BABAM2: variants seen among roughly 807,000 people sequenced by gnomAD.
The protein encoded by BABAM2 is BRISC and BRCA1 A complex member 2.
In BABAM2, 31 loss-of-function variants were observed where a neutral mutation model predicts 54.7. The observed-to-expected ratio is 0.57, with a 90% CI of 0.43 to 0.77. BABAM2 has a LOEUF of 0.77. BABAM2 is among the 30% of genes least tolerant of loss of function. The pLI is 0.00. For missense variants in BABAM2, 364 were observed against 455.8 expected (o/e 0.80, Z 1.83); for synonymous variants, 167 against 162.9 (o/e 1.03, Z -0.19).
chr2:27,924,858 A>C (rs933759626), intron 2 of BABAM2, among the ~76,000 whole-genome samples: 4 of 152,212 alleles, frequency 2.6e-5, no homozygotes, highest in African/African-American at 9.7e-5. Context: ...CTTGTTTCCT[A>C]TACACCTATT....
chr2:28,208,910 G>T (rs928690399), intron 7 of BABAM2, among the ~76,000 whole-genome samples: 1 of 152,036 alleles, frequency 6.6e-6, no homozygotes, highest in African/African-American at 2.4e-5. Context: ...TTTCTTCTTT[G>T]TTCCTTGGTG....
intron 3 of BABAM2, among the ~76,000 whole-genome samples, chr2:27,948,339 T>C (rs1018283760): frequency 2.6e-5 from 4 of 152,240 alleles, no homozygotes; most frequent in Non-Finnish European, 5.9e-5. Context: ...AGTTTGTCTG[T>C]AGACTCCATA....
rs1312864966 is a variant in BABAM2 at position 28,300,142 on chromosome 2, T to C, written c.1088+1651T>C. Among the ~76,000 whole-genome samples the C allele has an allele frequency of 1.3e-5, 2 of 152,122 alleles. 1 individual carries two copies. The highest frequency in any genetic ancestry group is 2.9e-5 in the Non-Finnish European group (2 of 68,032). On this transcript the variant is annotated intron_variant, in intron 11 of 11. Transcript: ENST00000379624. ...TGAGTAGAGATGGGGTTTTGCTATG[T>C]TGGCCAGGCTGGTCTCGGACTCCTG... is the stretch of plus-strand genomic sequence containing the variant.
chr2:28,332,427 A>G (rs1691041038), intron 11 of BABAM2, among the ~76,000 whole-genome samples: 1 of 152,206 alleles, frequency 6.6e-6, no homozygotes, highest in African/African-American at 2.4e-5. Flanking sequence ...GGGTGGTCAT[A>G]AGATCATTAA....
At chr2:28,267,387 C>T (rs1685070694) in intron 10 of BABAM2, among the ~76,000 whole-genome samples, 1 of 151,964 alleles carries the variant, frequency 6.6e-6, no homozygotes, top group Admixed American at 6.6e-5. Flanking sequence ...GCAGAGCCCA[C>T]CCCCAGGCCC....
At chr2:27,941,995 T>C (rs930807478) in intron 3 of BABAM2, among the ~76,000 whole-genome samples, 6 of 152,236 alleles carry the variant, frequency 3.9e-5, no homozygotes, top group African/African-American at 7.2e-5. Flanking sequence ...AACTTCATTT[T>C]TGATCTATGT....
chr2:28,193,080 A>G (rs1677116789), intron 7 of BABAM2, among the ~76,000 whole-genome samples: 1 of 151,976 alleles, frequency 6.6e-6, no homozygotes, highest in Non-Finnish European at 1.5e-5. Context: ...AGGCTGGGGC[A>G]GGAGGCTTGA....
At chr2:27,933,252 G>A (rs892855990) in intron 3 of BABAM2, among the ~76,000 whole-genome samples, 6 of 151,906 alleles carry the variant, frequency 3.9e-5, no homozygotes, top group South Asian at 2.1e-4. Flanking sequence ...GTTGGATATC[G>A]TCATTATACA....
chr2:28,306,994 C>CGTTTTTTTTTTTTTT (rs1558517386), intron 11 of BABAM2, among the ~76,000 whole-genome samples: 1 of 73,100 alleles, frequency 1.4e-5, no homozygotes. Context: ...CCACACCTGG[C>CGTTTTTTTTTTTTTT]CTTTTTTTTT....
intron 7 of BABAM2, among the ~76,000 whole-genome samples, chr2:28,167,712 AT>A: frequency 6.6e-6 from 1 of 150,808 alleles, no homozygotes; most frequent in Non-Finnish European, 1.5e-5. Flanking sequence ...AAATAAATAA[AT>A]AAATAAATAA....
intron 11 of BABAM2, among the ~76,000 whole-genome samples, chr2:28,336,685 G>GA (rs1316074127): frequency 6.6e-6 from 1 of 152,250 alleles, no homozygotes; most frequent in African/African-American, 2.4e-5. Context: ...GGCCAGCACT[G>GA]AGAAAGAGCT....
At chr2:28,143,516 A>T (rs887564474) in intron 7 of BABAM2, among the ~76,000 whole-genome samples, 1 of 152,206 alleles carries the variant, frequency 6.6e-6, no homozygotes, top group Non-Finnish European at 1.5e-5. Flanking sequence ...TAACACACAC[A>T]CAAGTAACTA....
In BABAM2 at chr2:28,298,271, G is replaced by A. The variant is rs1485401845; in HGVS notation, c.935-67G>A. On this transcript the variant is annotated intron_variant, in intron 10 of 11. Coordinates refer to ENST00000379624, the MANE Select transcript of BABAM2 (RefSeq NM_199191.3). The stretch of plus-strand genomic sequence containing the variant: ...GTTTCGTACCTAACATTCGGATTTA[G>A]TCAAAAAAAAAAATCTTAAGATGTG... The A allele has an allele frequency of 1.1e-5, 17 of 1,525,880 alleles. No individual in the cohort carries two copies. In the African/African-American group the frequency reaches 2.2e-4, roughly 20 times the overall value. 94.5% of individuals were successfully genotyped at this position (1,525,880 alleles called of 1,614,324 possible). A position where few individuals can be genotyped will look rare whatever the true frequency, so the allele number is the denominator to read the frequency against.
intron 11 of BABAM2, 59 bp downstream of exon 11, chr2:28,298,550 G>T: frequency 6.2e-7 from 1 of 1,600,040 alleles, no homozygotes; most frequent in Non-Finnish European, 8.5e-7. Flanking sequence ...CTAGTCCAGG[G>T]GTTGGCAAGC....
chr2:28,086,548 A>G (rs1558322158), intron 6 of BABAM2, among the ~76,000 whole-genome samples: 1 of 152,194 alleles, frequency 6.6e-6, no homozygotes, highest in Non-Finnish European at 1.5e-5. Flanking sequence ...CCTAGCAAAT[A>G]GTAACTTTTG....
chr2:28,327,505 T>C lies in BABAM2; in HGVS notation c.1089-10945T>C. On this transcript the variant is annotated intron_variant, in intron 11 of 11. Transcript: ENST00000379624. ...GGAACCAGAATTCATCCCAATACTTTGATGTCTAGAAATGGATCTCAGTCA... is the reference window on the plus strand; with the variant it reads ...GGAACCAGAATTCATCCCAATACTTCGATGTCTAGAAATGGATCTCAGTCA... The C allele has an allele frequency of 3.4e-6, 5 of 1,482,574 alleles. No homozygotes were observed. The South Asian group carries it at 5.6e-5, about 17-fold the overall frequency. The allele number at this position is 1,482,574 out of a possible 1,614,324, so 91.8% of individuals were successfully genotyped here.
intron 2 of BABAM2, among the ~76,000 whole-genome samples, chr2:27,921,105 T>A (rs1667315297): frequency 6.6e-6 from 1 of 152,168 alleles, no homozygotes; most frequent in African/African-American, 2.4e-5. Context: ...AGGAGTCAAA[T>A]CCAAATTTAC....
intron 7 of BABAM2, among the ~76,000 whole-genome samples, chr2:28,199,201 C>A (rs1402324671): frequency 6.6e-6 from 1 of 152,192 alleles, no homozygotes; most frequent in East Asian, 1.9e-4. Flanking sequence ...TGGTGTAATC[C>A]CAGAAGCAAG....
At chr2:27,958,280 G>C (rs1186218099) in intron 3 of BABAM2, among the ~76,000 whole-genome samples, 1 of 152,072 alleles carries the variant, frequency 6.6e-6, no homozygotes, top group Non-Finnish European at 1.5e-5. Context: ...GAGCCTGTAG[G>C]AGGGTGGAAG....
Sources: allele counts gnomAD v4.1 joint callset (sites outside exome capture counted in the v4.1 genomes callset), GRCh38; gene constraint gnomAD v4.1.1; transcripts MANE v1.5; gene names NCBI Gene and HGNC (gene_info 2026-07-23, HGNC 2026-07-21).